DSCAM: variants seen among roughly 807,000 people sequenced by gnomAD.
DSCAM encodes DS cell adhesion molecule.
A neutral mutation model predicts 217.7 loss-of-function variants in DSCAM; 47 were observed. The observed-to-expected ratio is 0.22, with a 90% CI of 0.17 to 0.28. The LOEUF is 0.28. Ranked by LOEUF, DSCAM falls within the 10% of genes least tolerant of loss-of-function variation. The pLI is 1.00. For synonymous variants in DSCAM, 1,056 were observed against 1,015.3 expected (o/e 1.04, Z -0.76); for missense variants, 2,080 against 2,618.3 (o/e 0.79, Z 4.49).
chr21:40,481,379 A>G lies in DSCAM; in HGVS notation c.509-112134T>C, dbSNP rs142349388. On this transcript the variant is annotated intron_variant, in intron 3 of 32. Transcript: ENST00000400454. ...GTGGCGGGTGCCTGTAGTCCCAGCT[A>G]CTCGGGAGGCTGAGGGAGGAGAATG... 3.3e-3 allele frequency among the ~76,000 whole-genome samples: 499 copies of G among 151,928 alleles called. 5 individuals are homozygous for G. The highest frequency in any genetic ancestry group is 0.011 in the African/African-American group (457 of 41,422).
At chr21:40,570,897 A>G (rs902170082) in intron 3 of DSCAM, among the ~76,000 whole-genome samples, 4 of 152,214 alleles carry the variant, frequency 2.6e-5, no homozygotes, top group Non-Finnish European at 5.9e-5. Flanking sequence ...ATATCAATCA[A>G]TATAAACAAT....
At chr21:40,300,904 C>A (rs997284030) in intron 9 of DSCAM, among the ~76,000 whole-genome samples, 6 of 152,216 alleles carry the variant, frequency 3.9e-5, no homozygotes, top group African/African-American at 1.4e-4. Context: ...ACTTCAAGAA[C>A]CACTGTTCTA....
At chr21:40,285,261 C>T (rs1329106735) in intron 10 of DSCAM, among the ~76,000 whole-genome samples, 1 of 152,192 alleles carries the variant, frequency 6.6e-6, no homozygotes, top group African/African-American at 2.4e-5. Flanking sequence ...GGTCTCCAGC[C>T]ACCGTTTCCC....
At chr21:40,182,693 G>A (rs1215458451) in intron 14 of DSCAM, among the ~76,000 whole-genome samples, 1 of 113,680 alleles carries the variant, frequency 8.8e-6, no homozygotes, top group East Asian at 3.1e-4. Flanking sequence ...CAGAGAAACC[G>A]TGGACGGGGG....
At chr21:40,040,397 G>A (rs1340372724) in intron 32 of DSCAM, among the ~76,000 whole-genome samples, 1 of 152,118 alleles carries the variant, frequency 6.6e-6, no homozygotes, top group Non-Finnish European at 1.5e-5. Flanking sequence ...CTTCAACCCT[G>A]TAATTATGTA....
intron 9 of DSCAM, 56 bp from the exon 10 acceptor site, chr21:40,296,230 G>A: frequency 6.3e-7 from 1 of 1,579,332 alleles, no homozygotes. Flanking sequence ...CTGAGTAAAG[G>A]TATGATTCTA....
chr21:40,609,164 A>C (rs1166559228), intron 3 of DSCAM, among the ~76,000 whole-genome samples: 1 of 152,156 alleles, frequency 6.6e-6, no homozygotes, highest in Non-Finnish European at 1.5e-5. Flanking sequence ...CATGTTGCCC[A>C]GGCTGGACTG....
intron 11 of DSCAM, among the ~76,000 whole-genome samples, chr21:40,192,927 C>T (rs184405879): frequency 6.6e-6 from 1 of 152,088 alleles, no homozygotes; most frequent in Non-Finnish European, 1.5e-5. Context: ...CATTTTTTTC[C>T]AGGAGAGATT....
intron 18 of DSCAM, among the ~76,000 whole-genome samples, chr21:40,136,316 G>A (rs1051085524): frequency 6.6e-6 from 1 of 152,074 alleles, no homozygotes; most frequent in African/African-American, 2.4e-5. Flanking sequence ...TTTGGATTAG[G>A]ATAAAAACCC....
At chr21:40,213,480 C>T (rs1482900299) in intron 11 of DSCAM, among the ~76,000 whole-genome samples, 1 of 152,182 alleles carries the variant, frequency 6.6e-6, no homozygotes, top group Admixed American at 6.5e-5. Context: ...CTTGTTTCCA[C>T]CATAATTGCT....
At chr21:40,323,043 G>A (rs964257364) in intron 8 of DSCAM, among the ~76,000 whole-genome samples, 1 of 152,126 alleles carries the variant, frequency 6.6e-6, no homozygotes, top group Non-Finnish European at 1.5e-5. Context: ...CCAAGGACAG[G>A]CTCTTTTTTG....
chr21:40,174,765 C>A (rs898520145), intron 15 of DSCAM, among the ~76,000 whole-genome samples: 4 of 152,130 alleles, frequency 2.6e-5, no homozygotes, highest in African/African-American at 9.7e-5. Context: ...CTGAAATTTC[C>A]AGATTTTAAA....
At chr21:40,528,283 C>T (rs916304416) in intron 3 of DSCAM, among the ~76,000 whole-genome samples, 8 of 152,206 alleles carry the variant, frequency 5.3e-5, no homozygotes, top group Non-Finnish European at 1.0e-4. Context: ...AGACACAAAG[C>T]GAGATTCATC....
intron 3 of DSCAM, among the ~76,000 whole-genome samples, chr21:40,474,822 A>C (rs2075920054): frequency 6.6e-6 from 1 of 152,134 alleles, no homozygotes; most frequent in Non-Finnish European, 1.5e-5. Context: ...ACTGAGGGGA[A>C]CGTTGTTCTT....
chr21:40,449,560 C>T (rs2075702593), intron 3 of DSCAM, among the ~76,000 whole-genome samples: 2 of 152,180 alleles, frequency 1.3e-5, no homozygotes, highest in Non-Finnish European at 2.9e-5. Flanking sequence ...AAAGTGATTT[C>T]AGGAGTCATC....
chr21:40,578,423 C>CACCAATCAGCACTCTGTAAAACAG, intron 3 of DSCAM, among the ~76,000 whole-genome samples: 1 of 151,490 alleles, frequency 6.6e-6, no homozygotes, highest in South Asian at 2.1e-4. Context: ...TGTAAAAACG[C>CACCAATCAGCACTCTGTAAAACAG]ACCAATCAGC....
At chr21:40,453,012 CCT>C (rs1233271050) in intron 3 of DSCAM, among the ~76,000 whole-genome samples, 1 of 144,832 alleles carries the variant, frequency 6.9e-6, no homozygotes, top group Non-Finnish European at 1.5e-5. Flanking sequence ...AACATGGCTG[CCT>C]CTCTGGTTCC....
intron 1 of DSCAM, among the ~76,000 whole-genome samples, chr21:40,815,561 T>C (rs967511368): frequency 2.0e-5 from 3 of 152,210 alleles, no homozygotes; most frequent in African/African-American, 7.2e-5. Context: ...TGTGATTACG[T>C]CCGTTTTCCA....
intron 3 of DSCAM, among the ~76,000 whole-genome samples, chr21:40,553,780 T>G (rs1019102220): frequency 3.3e-5 from 5 of 152,076 alleles, no homozygotes; most frequent in African/African-American, 1.2e-4. Context: ...TCTGAATTAT[T>G]TTTTTTAACA....
Sources: gnomAD v4.1 joint callset for allele counts (sites outside exome capture counted in the v4.1 genomes callset) on GRCh38, gnomAD v4.1.1 for gene constraint, MANE v1.5 for transcripts, NCBI Gene and HGNC (gene_info 2026-07-23, HGNC 2026-07-21) for gene names.